Variants in MLX observed in about 807,000 individuals in gnomAD.
MLX encodes the protein MAX dimerization protein MLX.
Under a neutral mutation model 33.0 loss-of-function variants are expected in MLX, and 15 were observed. The observed-to-expected ratio is 0.45, with a 90% confidence interval of 0.30 to 0.70. The LOEUF (loss-of-function observed/expected upper bound fraction) is 0.70, where lower values mean the gene tolerates loss of function less well. Among genes scored for constraint, MLX ranks in the 30% least tolerant of loss-of-function variants. The pLI, the probability that MLX is intolerant of heterozygous loss-of-function variation, is 0.07. For missense variants in MLX, 285 were observed against 306.3 expected (o/e 0.93, Z 0.52); for synonymous variants, 115 against 115.6 (o/e 0.99, Z 0.03).
At position 42,571,790 on chromosome 17, in the gene MLX, C is replaced by T; in HGVS notation, c.*187C>T. ...AGCCGCGGTGTTTGTTTTGTGAAAG[C>T]TTCTGATTAATTTATTATATTGACG... On this transcript the variant is annotated 3_prime_UTR_variant, in exon 8 of 8. Coordinates refer to ENST00000435881, the MANE Select transcript of MLX (RefSeq NM_198204.2). The T allele has an allele frequency of 3.3e-6, 2 of 610,902 alleles. No homozygotes were observed. The highest frequency in any genetic ancestry group is 5.9e-6 in the Non-Finnish European group (2 of 341,744). The allele number at this position is 610,902 out of a possible 1,614,324, so 37.8% of individuals were successfully genotyped here. A position where few individuals can be genotyped will look rare whatever the true frequency, so the allele number is the denominator to read the frequency against.
At position 42,569,265 on chromosome 17, in the gene MLX, G is replaced by C; in HGVS notation, c.338G>C (p.Gly113Ala). 6.2e-7 allele frequency: 1 copy of C among 1,614,124 alleles called. No individual in the cohort carries two copies. Among genetic ancestry groups the C allele is most frequent in the South Asian group, 1.1e-5 (1 of 91,082 alleles). The change falls in exon 5 of 8, where the codon GGC (glycine) becomes GCC (alanine). Residue 113 changes from glycine (G) to alanine (A), a missense_variant. Coordinates refer to ENST00000435881, the MANE Select transcript of MLX (RefSeq NM_198204.2). ...PTCQQQDFSI[G>A]SQKLSKAIVL... ...TGCCAGCAGCAGGACTTCTCCATTG[G>C]CTCCCAAAAGCTCAGCAAAGCCATC... is the stretch of plus-strand genomic sequence containing the variant.
Position 42,569,197 on chromosome 17 carries a change from T to G in MLX, c.277-7T>G, listed in dbSNP as rs1296271661. On this transcript the variant is annotated splice_region_variant and splice_polypyrimidine_tract_variant and intron_variant, in intron 4 of 7. Transcript: ENST00000435881. The stretch of plus-strand genomic sequence containing the variant: ...TAAAGAACCCATTTCCCCTGCTGTT[T>G]CCACAGAGAGGCTATGATGACCTTC... The G allele has an allele frequency of 4.3e-6, 7 of 1,613,326 alleles. No individual in the cohort carries two copies. Among genetic ancestry groups the G allele is most frequent in the Non-Finnish European group, 5.9e-6 (7 of 1,179,538 alleles).
chr17:42,568,455 G>T lies in MLX; in HGVS notation c.80-15G>T. The stretch of plus-strand genomic sequence containing the variant: ...CCCACCCCACCCCTTAGTGATTGGG[G>T]CCTCTCTTTTCCAGGGCTTTTTGTA... On this transcript the variant is annotated splice_polypyrimidine_tract_variant and intron_variant, in intron 2 of 7. Transcript: ENST00000435881. 1.2e-6 allele frequency: 2 copies of T among 1,608,092 alleles called. No individual in the cohort carries two copies. The highest frequency in any genetic ancestry group is 8.5e-7 in the Non-Finnish European group (1 of 1,174,698).
In MLX at chr17:42,568,838, T is replaced by TG; in HGVS notation, c.172dup (p.Asp58GlyfsTer2). 1.2e-6 allele frequency: 2 copies of TG among 1,605,776 alleles called. No homozygotes were observed. Among genetic ancestry groups the TG allele is most frequent in the Non-Finnish European group, 1.7e-6 (2 of 1,175,502 alleles). On this transcript the variant is annotated frameshift_variant and splice_region_variant, in exon 4 of 8. Coordinates refer to ENST00000435881, the MANE Select transcript of MLX (RefSeq NM_198204.2). LOFTEE classifies it high-confidence loss of function. Reference sequence around the variant, plus strand: ...CCCTGCCCCCATCTCTGAGCGTAGATGATGAGGACAGTGATTACCACCAGG... The same window carrying TG: ...CCCTGCCCCCATCTCTGAGCGTAGATGGATGAGGACAGTGATTACCACCAGG...
chr17:42,569,049 G>T, intron 4 of MLX, 106 bp downstream of exon 4: 2 of 1,319,370 alleles, frequency 1.5e-6, no homozygotes, highest in Admixed American at 3.7e-5. Flanking sequence ...TAGGGGGTGG[G>T]CAGGTAGTAT....
rs965108006 is a variant in MLX, at chr17:42,572,537, G to T, written c.*934G>T. ...GGTACACAAGCCCAGCAGGTCCTGA[G>T]TGAAGCCGTGGGCCCTCCAAATGCT... is the stretch of plus-strand genomic sequence containing the variant. On this transcript the variant is annotated 3_prime_UTR_variant, in exon 8 of 8. Coordinates refer to ENST00000435881, the MANE Select transcript of MLX (RefSeq NM_198204.2). 3 of 454,062 alleles carry T rather than the reference G, an allele frequency of 6.6e-6. No homozygotes were observed. The highest frequency in any genetic ancestry group is 1.3e-5 in the Non-Finnish European group (3 of 226,654). 28.1% of individuals were successfully genotyped at this position (454,062 alleles called of 1,614,324 possible). A position where few individuals can be genotyped will look rare whatever the true frequency, so the allele number is the denominator to read the frequency against.
rs768976414 is a variant in MLX at position 42,568,575 on chromosome 17, C to G, written c.169+16C>G. ...CCCAACACAGGTAGGCAGTAACATC[C>G]CCCCCGACCTCGGGGGGCTCAGATA... is the stretch of plus-strand genomic sequence containing the variant. On this transcript the variant is annotated intron_variant, in intron 3 of 7. Transcript: ENST00000435881. The G allele has an allele frequency of 6.2e-7, 1 of 1,605,554 alleles. No homozygotes were observed. Among genetic ancestry groups the G allele is most frequent in the Non-Finnish European group, 8.5e-7 (1 of 1,172,528 alleles).
Position 42,569,187 on chromosome 17 carries a change from C to A in MLX, c.277-17C>A. 2 of 1,610,712 alleles carry A rather than the reference C, an allele frequency of 1.2e-6. No homozygotes were observed. The highest frequency in any genetic ancestry group is 1.7e-6 in the Non-Finnish European group (2 of 1,177,192). ...CTCTCAGGGTTAAAGAACCCATTTC[C>A]CCTGCTGTTTCCACAGAGAGGCTAT... On this transcript the variant is annotated splice_polypyrimidine_tract_variant and intron_variant, in intron 4 of 7. Coordinates refer to ENST00000435881, the MANE Select transcript of MLX (RefSeq NM_198204.2).
intron 1 of MLX, 162 bp downstream of exon 1, chr17:42,567,328 G>A: frequency 7.1e-7 from 1 of 1,399,676 alleles, no homozygotes; most frequent in Non-Finnish European, 9.3e-7. Flanking sequence ...CGTGTGCCAA[G>A]GTGGGGAGAC....
Position 42,570,120 on chromosome 17 carries a change from G to A in MLX, c.615G>A (p.Val205=), listed in dbSNP as rs539883462. The A allele has an allele frequency of 1.2e-6, 2 of 1,614,014 alleles. No individual in the cohort carries two copies. Among genetic ancestry groups the A allele is most frequent in the Admixed American group, 1.7e-5 (1 of 59,994 alleles). Residue 205 remains valine (V), a synonymous_variant, in exon 7 of 8, where the codon GTG becomes GTA. Transcript: ENST00000435881. ...AGTCCTTCAATGCCTCCATCTCAGT[G>A]GCCAGCTTCCAGGAGCTGTCAGCGT... ...LFQSFNASIS[V]ASFQELSACV...
chr17:42,569,007 G>A, intron 4 of MLX, 64 bp downstream of exon 4: 4 of 1,519,112 alleles, frequency 2.6e-6, no homozygotes, highest in Non-Finnish European at 3.6e-6. Flanking sequence ...GCTTCCCTGT[G>A]CCCTGACCCA....
In MLX at chr17:42,568,871, C is replaced by T. The variant is rs1445461716; in HGVS notation, c.204C>T (p.Tyr68=). The part of the protein sequence containing the change: ...DEDSDYHQEA[Y]KESYKDRRRR... ...ACAGTGATTACCACCAGGAGGCCTA[C>T]AAGGAGTCCTACAAAGACCGGCGGC... is the stretch of plus-strand genomic sequence containing the variant. Residue 68 remains tyrosine, a synonymous_variant, in exon 4 of 8, where the codon TAC becomes TAT. Transcript: ENST00000435881. 6.2e-7 allele frequency: 1 copy of T among 1,611,592 alleles called. No homozygotes were observed. The highest frequency in any genetic ancestry group is 2.2e-5 in the East Asian group (1 of 44,826).
In MLX at chr17:42,572,866, G is replaced by A. The variant is rs1597721930; in HGVS notation, c.*1263G>A. 1.5e-6 allele frequency: 2 copies of A among 1,352,702 alleles called. No homozygotes were observed. The highest frequency in any genetic ancestry group is 2.4e-5 in the South Asian group (2 of 84,500). The allele number at this position is 1,352,702 out of a possible 1,614,324, so 83.8% of individuals were successfully genotyped here. A position where few individuals can be genotyped will look rare whatever the true frequency, so the allele number is the denominator to read the frequency against. On this transcript the variant is annotated 3_prime_UTR_variant, in exon 8 of 8. Coordinates refer to ENST00000435881, the MANE Select transcript of MLX (RefSeq NM_198204.2). ...ACTGCTCTGCTTAAAGGTGAAAGTAGCAGGAACAACAACAAAAGCCAACCA... is the reference window on the plus strand; with the variant it reads ...ACTGCTCTGCTTAAAGGTGAAAGTAACAGGAACAACAACAAAAGCCAACCA...
At chr17:42,567,871 C>G in intron 2 of MLX, 1 of 609,514 alleles carries the variant, frequency 1.6e-6, no homozygotes, top group Non-Finnish European at 2.9e-6. Context: ...GAACTGATCA[C>G]TCACCACTCA....
intron 7 of MLX, 71 bp from the exon 8 acceptor site, chr17:42,571,476 G>A: frequency 6.6e-7 from 1 of 1,511,456 alleles, no homozygotes; most frequent in Non-Finnish European, 9.2e-7. Context: ...GGCTGATCTA[G>A]GCAGGCATCT....
At chr17:42,567,545 G>A (rs891294892) in intron 1 of MLX, 74 bp from the exon 2 acceptor site, 143 of 1,606,406 alleles carry the variant, frequency 8.9e-5, no homozygotes, top group Non-Finnish European at 1.1e-4. Context: ...CGCGCTGTGC[G>A]TGCCTGCAGT....
rs2093033240 is a variant in MLX, at chr17:42,571,618, C to T, written c.*15C>T. 2 of 1,613,778 alleles carry T rather than the reference C, an allele frequency of 1.2e-6. No individual in the cohort carries two copies. Among genetic ancestry groups the T allele is most frequent in the Non-Finnish European group, 1.7e-6 (2 of 1,179,690 alleles). ...AGCTTTACTGACCGGTTCTTGGAAA[C>T]CTGGAGAACAGCCAACAAGAGGCCC... On this transcript the variant is annotated 3_prime_UTR_variant, in exon 8 of 8. Coordinates refer to ENST00000435881, the MANE Select transcript of MLX (RefSeq NM_198204.2).
Position 42,572,492 on chromosome 17 carries a change from A to ATACTT in MLX, c.*890_*894dup, listed in dbSNP as rs1555626429. The ATACTT allele has an allele frequency of 3.1e-4, 139 of 454,372 alleles. 1 individual carries two copies. The highest frequency in any genetic ancestry group is 2.5e-3 in the African/African-American group (125 of 49,994). The allele number at this position is 454,372 out of a possible 1,614,324, so 28.1% of individuals were successfully genotyped here. On this transcript the variant is annotated 3_prime_UTR_variant, in exon 8 of 8. Coordinates refer to ENST00000435881, the MANE Select transcript of MLX (RefSeq NM_198204.2). Reference sequence around the variant, plus strand: ...GGGTGGGGTGAAAAGCGTACAAAAGATACTTAAAAGGGCTCCTGGGGTACA... The same window carrying ATACTT: ...GGGTGGGGTGAAAAGCGTACAAAAGATACTTTACTTAAAAGGGCTCCTGGGGTACA...
chr17:42,571,555 G>C lies in MLX; in HGVS notation c.687G>C (p.Arg229=). The C allele has an allele frequency of 6.2e-7, 1 of 1,614,172 alleles. No homozygotes were observed. The change falls in exon 8 of 8, where the codon CGG becomes CGC. Residue 229 remains arginine (R), a synonymous_variant. Transcript: ENST00000435881. ...TCTGCTGCCCTCGCCAGACCCTGCG[G>C]GAGATTGTGATTGGCGTCCTGCACC... ...IEEHCKPQTL[R]EIVIGVLHQL...
Sources: gnomAD v4.1 joint callset for allele counts on GRCh38, gnomAD v4.1.1 for gene constraint, MANE v1.5 for transcripts, NCBI Gene and HGNC (gene_info 2026-07-23, HGNC 2026-07-21) for gene names.